The following MACF1 variants were observed in gnomAD, a reference collection of about 807,000 sequenced individuals.
MACF1 encodes the protein microtubule actin crosslinking factor 1.
MACF1 carries 193 observed loss-of-function variants against 854.8 expected under a neutral mutation model. The ratio of observed to expected loss-of-function variants is 0.23; its 90% CI spans 0.20 to 0.25. The LOEUF is 0.25. Ranked by LOEUF, MACF1 falls within the 10% of genes least tolerant of loss-of-function variation. MACF1 has a pLI of 1.00. For missense variants in MACF1, 7,722 were observed against 8,929.1 expected (o/e 0.86, Z 5.45); for synonymous variants, 3,185 against 3,226.7 (o/e 0.99, Z 0.44).
chr1:39,128,004 CTT>C (rs1642903655), intron 2 of MACF1, among the ~76,000 whole-genome samples: 1 of 152,098 alleles, frequency 6.6e-6, no homozygotes, highest in African/African-American at 2.4e-5. Flanking sequence ...CTTTTCTAGT[CTT>C]TATTTTCTCC....
At position 39,452,347 on chromosome 1, in the gene MACF1, A is replaced by G; in HGVS notation, c.20610A>G (p.Lys6870=). 6.2e-7 allele frequency: 1 copy of G among 1,612,880 alleles called. No individual in the cohort carries two copies. Among genetic ancestry groups the G allele is most frequent in the Admixed American group, 1.7e-5 (1 of 59,802 alleles). ...AAAGCCGGCTTGAGCAGGCCTTAAA[A>G]CAAGTAAGGGATATTTGCTGTCCCA... ...SKQSRLEQAL[K]QAEVFRDTVH... Residue 6870 remains lysine (K), a synonymous_variant, in exon 86 of 101, where the codon AAA becomes AAG. Transcript: ENST00000564288.
At position 39,336,018 on chromosome 1, in the gene MACF1, A is replaced by AC; in HGVS notation, c.9432dup (p.Asn3145GlnfsTer12). 1 of 1,614,168 alleles carries AC rather than the reference A, an allele frequency of 6.2e-7. No homozygotes were observed. Among genetic ancestry groups the AC allele is most frequent in the Non-Finnish European group, 8.5e-7 (1 of 1,180,016 alleles). ...TTTCCAAGGAACCACCAGACAGGAG[A>AC]CCAACTATCAAGATTCCTGGGTTAC... is the stretch of plus-strand genomic sequence containing the variant. On this transcript the variant is annotated frameshift_variant, in exon 37 of 101. Transcript: ENST00000564288. LOFTEE classifies it high-confidence loss of function.
In MACF1 at chr1:39,409,438, C is replaced by T. The variant is rs1642883984; in HGVS notation, c.15817-12936C>T. ...GCAGCCTGCGGTGAGGCGACCCTGGCCCTCGGGGCGCGCGGCATGGCGCGG... is the reference window on the plus strand; with the variant it reads ...GCAGCCTGCGGTGAGGCGACCCTGGTCCTCGGGGCGCGCGGCATGGCGCGG... On this transcript the variant is annotated intron_variant, in intron 58 of 100. Coordinates refer to ENST00000564288, the MANE Select transcript of MACF1 (RefSeq NM_001394062.1). The surrounding 1 kb of genome is among the most constrained non-coding windows in gnomAD (Gnocchi z 4.2). 1 of 152,146 alleles carries T rather than the reference C, an allele frequency of 6.6e-6. No individual in the cohort carries two copies. Among genetic ancestry groups the T allele is most frequent in the African/African-American group, 2.4e-5 (1 of 41,398 alleles). 9.4% of individuals were successfully genotyped at this position (152,146 alleles called of 1,614,324 possible). A position where few individuals can be genotyped will look rare whatever the true frequency, so the allele number is the denominator to read the frequency against.
At position 39,084,579 on chromosome 1, in the gene MACF1, C is replaced by A. The variant is rs559819553; in HGVS notation, c.220+141C>A. The A allele has an allele frequency of 2.3e-5, 17 of 731,686 alleles. No homozygotes were observed. The East Asian group carries it at 3.8e-4, about 16-fold the overall frequency. The allele number at this position is 731,686 out of a possible 1,614,324, so 45.3% of individuals were successfully genotyped here. Reference sequence around the variant, plus strand: ...CATCATCTGATTTGTTATTATTATTCTTGGAAAGACGTTGAAATAACATTA... The same window carrying A: ...CATCATCTGATTTGTTATTATTATTATTGGAAAGACGTTGAAATAACATTA... On this transcript the variant is annotated intron_variant, in intron 2 of 93. Transcript: ENST00000361689. The surrounding 1 kb of genome is among the most constrained non-coding windows in gnomAD (Gnocchi z 5.2).
chr1:39,226,133 C>T (rs914770048), intron 1 of MACF1, among the ~76,000 whole-genome samples: 11 of 152,124 alleles, frequency 7.2e-5, no homozygotes, highest in African/African-American at 2.7e-4. Context: ...TGGCTCAGCT[C>T]TAAGCAGGCT....
At chr1:39,405,120 A>T (rs948463695) in intron 58 of MACF1, among the ~76,000 whole-genome samples, 9 of 152,218 alleles carry the variant, frequency 5.9e-5, no homozygotes, top group African/African-American at 2.2e-4. Context: ...GTTCACGAGT[A>T]CATGAGAGCT....
At chr1:39,416,291 A>G (rs944143375) in intron 58 of MACF1, among the ~76,000 whole-genome samples, 1 of 152,002 alleles carries the variant, frequency 6.6e-6, no homozygotes, top group Admixed American at 6.6e-5. Context: ...TGACACCGAG[A>G]TCCCAATAGC....
chr1:39,159,224 C>G (rs1393487145), intron 2 of MACF1, among the ~76,000 whole-genome samples: 2 of 152,234 alleles, frequency 1.3e-5, no homozygotes, highest in Non-Finnish European at 2.9e-5. Flanking sequence ...GGTACTTCAG[C>G]AACAGCCTGT....
rs1269096397 is a variant in MACF1 at position 39,105,100 on chromosome 1, C to A, written c.220+20662C>A. On this transcript the variant is annotated intron_variant, in intron 2 of 93. Transcript: ENST00000361689. The surrounding 1 kb of genome is among the most constrained non-coding windows in gnomAD (Gnocchi z 5.9). ...CGGCCCAGCCTTTCATCCTGACGCG[C>A]GGGGCCTCCCACCCAGCGGGACTCC... Among the ~76,000 whole-genome samples, 1 of 152,120 alleles carries A rather than the reference C, an allele frequency of 6.6e-6. No individual in the cohort carries two copies. The highest frequency in any genetic ancestry group is 1.5e-5 in the Non-Finnish European group (1 of 67,988).
chr1:39,454,959 A>G lies in MACF1; in HGVS notation c.20937A>G (p.Ser6979=). The stretch of plus-strand genomic sequence containing the variant: ...AGCAGCGTCTTGAAACGGCCTTGTC[A>G]GAACTGGTGGCTAATGCTGAGCTCC... ...QHQQRLETAL[S]ELVANAELLE... Residue 6979 remains serine, a synonymous_variant, in exon 89 of 101, where the codon TCA becomes TCG. Coordinates refer to ENST00000564288, the MANE Select transcript of MACF1 (RefSeq NM_001394062.1). The G allele has an allele frequency of 6.2e-7, 1 of 1,614,190 alleles. No homozygotes were observed. Among genetic ancestry groups the G allele is most frequent in the Non-Finnish European group, 8.5e-7 (1 of 1,180,030 alleles).
chr1:39,348,184 G>C (rs955829872), intron 41 of MACF1, among the ~76,000 whole-genome samples: 1 of 152,270 alleles, frequency 6.6e-6, no homozygotes, highest in African/African-American at 2.4e-5. Flanking sequence ...TTGAAATTGA[G>C]ATATATTAAT....
At position 39,439,333 on chromosome 1, in the gene MACF1, G is replaced by C. The variant is rs1306380797; in HGVS notation, c.18280G>C (p.Glu6094Gln). ...CTGGGAGGACATCAAAGCTCGGGCT[G>C]AAGAACGAGAAATCAAATTTCTTGA... ...FFWEDIKARAEEREIKFLDVL... is the reference protein window; with the variant it reads ...FFWEDIKARAQEREIKFLDVL... The change falls in exon 72 of 101, where the codon GAA (glutamate) becomes CAA (glutamine). Residue 6094 changes from glutamate to glutamine, a missense_variant. By Grantham distance (29) the Glu-to-Gln change is conservative. This residue lies in a region of MACF1 where 2,807 missense variants were observed against 3,235.8 expected (regional missense o/e 0.87). Transcript: ENST00000564288. The C allele has an allele frequency of 1.9e-6, 3 of 1,614,066 alleles. No homozygotes were observed. The Admixed American group carries it at 5.0e-5, about 27-fold the overall frequency.
At chr1:39,211,042 C>T (rs567027191) in intron 1 of MACF1, among the ~76,000 whole-genome samples, 6 of 151,652 alleles carry the variant, frequency 4.0e-5, no homozygotes, top group Non-Finnish European at 5.9e-5. Flanking sequence ...TCTCAGCTCA[C>T]TGCAACCTCT....
Position 39,318,767 on chromosome 1 carries a change from G to A in MACF1, c.3945+152G>A. 2.3e-6 allele frequency: 2 copies of A among 852,612 alleles called. 1 individual carries two copies. The highest frequency in any genetic ancestry group is 5.5e-5 in the East Asian group (2 of 36,074). 52.8% of individuals were successfully genotyped at this position (852,612 alleles called of 1,614,324 possible). ...AGTGGTTTGAGCAGGATCGTCCCAA[G>A]ATACTGGTTTTGCATTTAGACTAGA... On this transcript the variant is annotated intron_variant, in intron 30 of 100. Coordinates refer to ENST00000564288, the MANE Select transcript of MACF1 (RefSeq NM_001394062.1).
rs1243959585 is a variant in MACF1 at position 39,477,133 on chromosome 1, T to TACACAC, written c.21959-2664_21959-2663insCACACA. 9.7e-3 allele frequency among the ~76,000 whole-genome samples: 963 copies of TACACAC among 98,886 alleles called. 82 individuals carry two copies. Among genetic ancestry groups the TACACAC allele is most frequent in the Non-Finnish European group, 0.013 (678 of 50,874 alleles). The allele number at this position is 98,886 out of a possible 152,430, so 64.9% of individuals were successfully genotyped here. On this transcript the variant is annotated intron_variant, in intron 97 of 100. Coordinates refer to ENST00000564288, the MANE Select transcript of MACF1 (RefSeq NM_001394062.1). ...TACACTTAGTGTATATATATATATA[T>TACACAC]ATACACACACACACACACACAGATG...
chr1:39,458,697 T>C, intron 90 of MACF1: 1 of 624,296 alleles, frequency 1.6e-6, no homozygotes, highest in Non-Finnish European at 2.6e-6. Context: ...GGTATGAAAT[T>C]ACGAGGTGGT....
chr1:39,326,450 G>A (rs1646612317), intron 35 of MACF1, among the ~76,000 whole-genome samples: 1 of 152,190 alleles, frequency 6.6e-6, no homozygotes, highest in African/African-American at 2.4e-5. Flanking sequence ...GGAGGCTGAG[G>A]CGGGCAAATC....
intron 49 of MACF1, among the ~76,000 whole-genome samples, chr1:39,367,684 T>C (rs1648848008): frequency 6.6e-6 from 1 of 152,222 alleles, no homozygotes; most frequent in African/African-American, 2.4e-5. Flanking sequence ...CGTCCTGTCA[T>C]GGTACCTCCC....
intron 43 of MACF1, among the ~76,000 whole-genome samples, chr1:39,352,523 T>A (rs1453788227): frequency 6.6e-6 from 1 of 152,106 alleles, no homozygotes; most frequent in Non-Finnish European, 1.5e-5. Context: ...AATCCTAGGA[T>A]TTGTTTTGTT....
Sources: allele counts gnomAD v4.1 joint callset (sites outside exome capture counted in the v4.1 genomes callset), GRCh38; gene constraint gnomAD v4.1.1; regional missense constraint gnomAD v4.1.1; non-coding constraint Gnocchi (gnomAD v3.1); transcripts MANE v1.5; gene names NCBI Gene and HGNC (gene_info 2026-07-23, HGNC 2026-07-21).